ARMC2: variants seen among roughly 807,000 people sequenced by gnomAD.
The protein encoded by ARMC2 is armadillo repeat-containing protein 2.
ARMC2 carries 67 observed loss-of-function variants against 90.3 expected under a neutral mutation model. That is an observed-to-expected ratio of 0.74 (90% CI 0.61 to 0.91). ARMC2 has a LOEUF of 0.91. ARMC2 is among the 40% of genes least tolerant of loss of function. ARMC2 has a pLI of 0.00. For missense variants in ARMC2, 920 were observed against 1,030.9 expected (o/e 0.89, Z 1.47); for synonymous variants, 393 against 393.0 (o/e 1.00, Z 0.00).
chr6:109,008,661 A>T, the ARMC2 span: 1 of 448,518 alleles, frequency 2.2e-6, no homozygotes, highest in Non-Finnish European at 2.9e-6. Flanking sequence ...TTAAGGTTCG[A>T]GTTTTACCTA....
the ARMC2 span, among the ~76,000 whole-genome samples, chr6:109,024,805 CG>C: frequency 1.3e-5 from 2 of 152,184 alleles, no homozygotes; most frequent in African/African-American, 4.8e-5. Context: ...TTGTGAGTAT[CG>C]TACTACTTTC....
the ARMC2 span, among the ~76,000 whole-genome samples, chr6:109,038,814 T>C: frequency 2.0e-5 from 3 of 151,426 alleles, no homozygotes; most frequent in Non-Finnish European, 2.9e-5. Context: ...TAAGAGCAGA[T>C]TCTGACGGCA....
intron 7 of ARMC2, among the ~76,000 whole-genome samples, chr6:108,903,461 T>C (rs1235782245): frequency 3.9e-5 from 6 of 152,198 alleles, no homozygotes; most frequent in African/African-American, 4.8e-5. Context: ...GCTTTTGTTC[T>C]ATTAGAACCC....
intron 7 of ARMC2, among the ~76,000 whole-genome samples, chr6:108,902,079 C>A (rs546482813): frequency 1.3e-5 from 2 of 152,272 alleles, no homozygotes; most frequent in Non-Finnish European, 2.9e-5. Context: ...ACAGCTGTAC[C>A]CACTGTCAGG....
chr6:109,016,966 ATT>A, the ARMC2 span, among the ~76,000 whole-genome samples: 1 of 152,068 alleles, frequency 6.6e-6, no homozygotes, highest in African/African-American at 2.4e-5. Flanking sequence ...TATGAGTCTA[ATT>A]TTTAAAATAT....
intron 12 of ARMC2, among the ~76,000 whole-genome samples, chr6:108,944,907 T>C (rs1478767068): frequency 6.6e-6 from 1 of 152,134 alleles, no homozygotes; most frequent in African/African-American, 2.4e-5. Context: ...GAAACTTCTT[T>C]GGCTCATATC....
chr6:108,903,837 T>C (rs1772400698), intron 7 of ARMC2, among the ~76,000 whole-genome samples: 1 of 152,154 alleles, frequency 6.6e-6, no homozygotes, highest in Non-Finnish European at 1.5e-5. Context: ...TTTAGGCCAG[T>C]AGAGCTATGC....
At chr6:108,956,470 G>A (rs1583210601) in intron 13 of ARMC2, among the ~76,000 whole-genome samples, 2 of 151,736 alleles carry the variant, frequency 1.3e-5, no homozygotes, top group Admixed American at 1.3e-4. Flanking sequence ...GCCAAGGCAG[G>A]CAGATTGCTT....
rs140013460 is a variant in ARMC2 at position 108,888,545 on chromosome 6, G to C, written c.672-5922G>C. Among the ~76,000 whole-genome samples, 637 of 152,330 alleles carry C rather than the reference G, an allele frequency of 4.2e-3. 3 individuals are homozygous for C. The highest frequency in any genetic ancestry group is 0.014 in the African/African-American group (597 of 41,576). On this transcript the variant is annotated intron_variant, in intron 5 of 17. Coordinates refer to ENST00000392644, the MANE Select transcript of ARMC2 (RefSeq NM_032131.6). ...TTCATGCAGTTCCAATTAGTAGAAC[G>C]AAGACCAATGAGCAGAATTTACAGA...
chr6:109,047,409 C>G, the ARMC2 span, among the ~76,000 whole-genome samples: 20 of 136,124 alleles, frequency 1.5e-4, no homozygotes, highest in African/African-American at 5.0e-4. Context: ...TCTGCCCGGC[C>G]GCCCCTACTG....
the ARMC2 span, among the ~76,000 whole-genome samples, chr6:109,043,544 T>C: frequency 6.6e-6 from 1 of 152,158 alleles, no homozygotes; most frequent in African/African-American, 2.4e-5. Flanking sequence ...ACAAAGTTAA[T>C]ATACAAGAGT....
chr6:108,877,255 G>A (rs942430523), intron 5 of ARMC2, among the ~76,000 whole-genome samples: 6 of 152,166 alleles, frequency 3.9e-5, no homozygotes, highest in African/African-American at 9.7e-5. Flanking sequence ...TTACACTCAC[G>A]TTAGATTTCG....
intron 12 of ARMC2, among the ~76,000 whole-genome samples, chr6:108,951,368 C>A (rs1385352003): frequency 6.6e-6 from 1 of 152,102 alleles, no homozygotes; most frequent in East Asian, 1.9e-4. Flanking sequence ...TTCTATTTCC[C>A]GGGGTGGAGT....
intron 9 of ARMC2, among the ~76,000 whole-genome samples, chr6:108,911,782 G>A (rs750045291): frequency 6.6e-6 from 1 of 152,016 alleles, no homozygotes; most frequent in Admixed American, 6.5e-5. Flanking sequence ...CATTATTAAC[G>A]TTATTGGATT....
intron 11 of ARMC2, among the ~76,000 whole-genome samples, chr6:108,932,492 A>G (rs992133587): frequency 7.2e-6 from 1 of 139,686 alleles, no homozygotes; most frequent in Admixed American, 7.1e-5. Context: ...ATTATTTATT[A>G]AACAGTGAGT....
At chr6:109,023,787 A>T in the ARMC2 span, among the ~76,000 whole-genome samples, 77 of 152,356 alleles carry the variant, frequency 5.1e-4, no homozygotes, top group South Asian at 0.012. Context: ...AAAATGTAAC[A>T]TTTTATGTAA....
intron 12 of ARMC2, among the ~76,000 whole-genome samples, chr6:108,943,028 C>CG (rs1776567318): frequency 6.6e-6 from 1 of 152,156 alleles, no homozygotes; most frequent in African/African-American, 2.4e-5. Context: ...TCGCTGCTGC[C>CG]GTCCACAGAG....
chr6:108,959,368 C>T (rs2128509493), intron 13 of ARMC2: 1 of 152,396 alleles, frequency 6.6e-6, no homozygotes, highest in South Asian at 2.1e-4. Context: ...CTCATAGCCC[C>T]CCTGCTTGCT....
At chr6:109,046,507 C>G in the ARMC2 span, among the ~76,000 whole-genome samples, 1 of 147,794 alleles carries the variant, frequency 6.8e-6, no homozygotes, top group Non-Finnish European at 1.5e-5. Context: ...GCCGCCACCC[C>G]GTCTGGGAAG....
Sources: allele counts gnomAD v4.1 joint callset (sites outside exome capture counted in the v4.1 genomes callset), GRCh38; gene constraint gnomAD v4.1.1; transcripts MANE v1.5; gene names NCBI Gene and HGNC (gene_info 2026-07-23, HGNC 2026-07-21).